The following LHFPL3 variants were observed in gnomAD, a reference collection of about 807,000 sequenced individuals.
LHFPL3 encodes LHFPL tetraspan subfamily member 3.
A neutral mutation model predicts 19.3 loss-of-function variants in LHFPL3; 5 were observed. That is an observed-to-expected ratio of 0.26 (90% CI 0.14 to 0.54). The LOEUF (loss-of-function observed/expected upper bound fraction) is 0.54. LHFPL3 is among the 20% of genes least tolerant of loss of function. The pLI is 0.94. For missense variants in LHFPL3, 249 were observed against 307.4 expected (o/e 0.81, Z 1.42); for synonymous variants, 133 against 126.2 (o/e 1.05, Z -0.36).
chr7:104,433,169 G>A (rs1792033663), intron 1 of LHFPL3, among the ~76,000 whole-genome samples: 1 of 152,036 alleles, frequency 6.6e-6, no homozygotes, highest in African/African-American at 2.4e-5. Context: ...ATTTGGATGA[G>A]GATAAAATGT....
chr7:104,823,613 C>T (rs1790720224), intron 2 of LHFPL3, among the ~76,000 whole-genome samples: 1 of 152,128 alleles, frequency 6.6e-6, no homozygotes, highest in African/African-American at 2.4e-5. Flanking sequence ...CCATAAAGAT[C>T]ACTATAGATT....
chr7:104,863,056 C>T (rs1429049343), intron 2 of LHFPL3, among the ~76,000 whole-genome samples: 1 of 152,126 alleles, frequency 6.6e-6, no homozygotes, highest in Non-Finnish European at 1.5e-5. Flanking sequence ...GTGTTAATTG[C>T]CCTTCATATT....
chr7:104,442,355 A>G (rs777053051), intron 1 of LHFPL3, among the ~76,000 whole-genome samples: 2 of 151,614 alleles, frequency 1.3e-5, no homozygotes, highest in Admixed American at 6.6e-5. Context: ...ATTTCAGCCT[A>G]TATATCTAGA....
At chr7:104,384,331 G>C (rs1790891608) in intron 1 of LHFPL3, among the ~76,000 whole-genome samples, 1 of 152,134 alleles carries the variant, frequency 6.6e-6, no homozygotes, top group Non-Finnish European at 1.5e-5. Flanking sequence ...TTGTTGACAT[G>C]AAATGCCATA....
intron 1 of LHFPL3, among the ~76,000 whole-genome samples, chr7:104,374,313 C>T (rs1038394924): frequency 4.6e-5 from 7 of 151,876 alleles, no homozygotes; most frequent in African/African-American, 1.7e-4. Context: ...GTGATCTTGG[C>T]TCACTGCAAC....
intron 1 of LHFPL3, among the ~76,000 whole-genome samples, chr7:104,662,684 G>T (rs1374745962): frequency 6.6e-6 from 1 of 152,170 alleles, no homozygotes; most frequent in Non-Finnish European, 1.5e-5. Context: ...TGCAAAGAGG[G>T]TAAATGCGGG....
intron 2 of LHFPL3, among the ~76,000 whole-genome samples, chr7:104,746,070 G>C (rs1249252819): frequency 6.6e-6 from 1 of 152,136 alleles, no homozygotes; most frequent in Non-Finnish European, 1.5e-5. Flanking sequence ...CAGCACTTAA[G>C]GAGGCCAAGG....
chr7:104,726,055 C>CAAAAAAAAAAAAAAAAAAA (rs56697785), intron 1 of LHFPL3, among the ~76,000 whole-genome samples: 1 of 75,094 alleles, frequency 1.3e-5, no homozygotes. Flanking sequence ...CCATCTCAGG[C>CAAAAAAAAAAAAAAAAAAA]AAAAAAAAAA....
chr7:104,668,722 C>T (rs372910750), intron 1 of LHFPL3: 5 of 1,570,302 alleles, frequency 3.2e-6, no homozygotes, highest in Non-Finnish European at 4.3e-6. Flanking sequence ...AGAGGTCCCC[C>T]CCCCCCCAAA....
intron 1 of LHFPL3, among the ~76,000 whole-genome samples, chr7:104,558,922 T>A (rs1478052445): frequency 2.7e-5 from 4 of 146,862 alleles, no homozygotes; most frequent in Non-Finnish European, 6.0e-5. Context: ...CCCAGCACCA[T>A]TTATTAAATA....
At chr7:104,491,126 G>A (rs1285026532) in intron 1 of LHFPL3, among the ~76,000 whole-genome samples, 1 of 148,538 alleles carries the variant, frequency 6.7e-6, no homozygotes, top group African/African-American at 2.4e-5. Flanking sequence ...GACTCTGGAA[G>A]ACAACTTAGG....
intron 1 of LHFPL3, among the ~76,000 whole-genome samples, chr7:104,495,168 C>A (rs1340919688): frequency 6.6e-6 from 1 of 152,158 alleles, no homozygotes; most frequent in Non-Finnish European, 1.5e-5. Context: ...CTTCCAACCC[C>A]CACTAGCCAA....
At chr7:104,648,945 A>G (rs1791978211) in intron 1 of LHFPL3, among the ~76,000 whole-genome samples, 1 of 152,094 alleles carries the variant, frequency 6.6e-6, no homozygotes. Context: ...TCCAACACAA[A>G]CCATAGGAAG....
intron 1 of LHFPL3, among the ~76,000 whole-genome samples, chr7:104,428,964 C>G (rs1791898715): frequency 2.0e-5 from 3 of 151,996 alleles, no homozygotes. Flanking sequence ...CAAAAACAAA[C>G]AAGCAAACCA....
chr7:104,676,164 C>T lies in LHFPL3; in HGVS notation c.446-60511C>T, dbSNP rs180990945. The stretch of plus-strand genomic sequence containing the variant: ...TCACATTTTTGCTTCATGATTTGCT[C>T]CATTGCTTTTATGCTCACCTAGCTA... On this transcript the variant is annotated intron_variant, in intron 1 of 2. Transcript: ENST00000424859. Among the ~76,000 whole-genome samples the T allele has an allele frequency of 1.8e-3, 268 of 152,262 alleles. 2 individuals carry two copies. Among genetic ancestry groups the T allele is most frequent in the African/African-American group, 6.0e-3 (249 of 41,556 alleles).
intron 1 of LHFPL3, among the ~76,000 whole-genome samples, chr7:104,422,051 C>T (rs772381462): frequency 3.3e-5 from 5 of 152,132 alleles, no homozygotes; most frequent in Admixed American, 6.5e-5. Flanking sequence ...GGACTTTCAG[C>T]CCTCAGAACT....
At chr7:104,741,656 C>T (rs1317825329) in intron 2 of LHFPL3, among the ~76,000 whole-genome samples, 1 of 151,968 alleles carries the variant, frequency 6.6e-6, no homozygotes, top group East Asian at 1.9e-4. Flanking sequence ...CTGCCTTAGC[C>T]TCTGGAGTAG....
chr7:104,848,911 G>GT (rs1791364633), intron 2 of LHFPL3, among the ~76,000 whole-genome samples: 1 of 147,200 alleles, frequency 6.8e-6, no homozygotes, highest in Non-Finnish European at 1.5e-5. Flanking sequence ...TTTTTTTTTT[G>GT]TTGTTGTTGT....
intron 1 of LHFPL3, chr7:104,668,370 T>C: frequency 6.3e-7 from 1 of 1,594,052 alleles, no homozygotes; most frequent in South Asian, 1.1e-5. Context: ...TACAGACACC[T>C]TTGATGACTA....
Sources: gnomAD v4.1 joint callset for allele counts (sites outside exome capture counted in the v4.1 genomes callset) on GRCh38, gnomAD v4.1.1 for gene constraint, MANE v1.5 for transcripts, NCBI Gene and HGNC (gene_info 2026-07-23, HGNC 2026-07-21) for gene names.